The following LDLRAD3 variants were observed in gnomAD, a reference collection of about 807,000 sequenced individuals.
The protein encoded by LDLRAD3 is low-density lipoprotein receptor class A domain-containing protein 3.
In LDLRAD3, 20 loss-of-function variants were observed where a neutral mutation model predicts 29.4. The ratio of observed to expected loss-of-function variants is 0.68; its 90% CI spans 0.48 to 0.99. The LOEUF (loss-of-function observed/expected upper bound fraction) is 0.99. Among genes scored for constraint, LDLRAD3 ranks in the 50% least tolerant of loss-of-function variants. LDLRAD3 has a pLI of 0.00. For synonymous variants in LDLRAD3, 157 were observed against 192.7 expected, an observed-to-expected ratio of 0.81 and a Z score of 1.53; for missense variants, 420 against 454.3, an observed-to-expected ratio of 0.92 and a Z score of 0.69.
chr11:36,124,103 G>A (rs1003473207), intron 4 of LDLRAD3, among the ~76,000 whole-genome samples: 16 of 152,324 alleles, frequency 1.1e-4, no homozygotes, highest in African/African-American at 3.6e-4. Context: ...GCAACTGATG[G>A]CAACAGCTGG....
intron 1 of LDLRAD3, among the ~76,000 whole-genome samples, chr11:35,984,934 C>CTT (rs1285306835): frequency 5.5e-4 from 70 of 127,974 alleles, no homozygotes; most frequent in African/African-American, 1.6e-3. Flanking sequence ...CCTGCCTGTT[C>CTT]TTTTTTTTTT....
At chr11:36,052,071 AC>A (rs1565187363) in intron 2 of LDLRAD3, among the ~76,000 whole-genome samples, 2 of 152,200 alleles carry the variant, frequency 1.3e-5, no homozygotes, top group African/African-American at 4.8e-5. Flanking sequence ...CTGTCATAGG[AC>A]TAGACTGAGT....
At chr11:36,100,031 C>T (rs769420996) in intron 4 of LDLRAD3, among the ~76,000 whole-genome samples, 6 of 152,094 alleles carry the variant, frequency 3.9e-5, no homozygotes, top group South Asian at 2.1e-4. Context: ...GTTGTTCAGG[C>T]GCCATTCTAG....
chr11:36,098,998 T>TC (rs1565221432), intron 4 of LDLRAD3, among the ~76,000 whole-genome samples: 8 of 138,294 alleles, frequency 5.8e-5, no homozygotes, highest in African/African-American at 9.9e-5. Flanking sequence ...TATTTTTTTT[T>TC]TCCCATTTTT....
intron 2 of LDLRAD3, among the ~76,000 whole-genome samples, chr11:36,077,560 G>A (rs1853034948): frequency 6.6e-6 from 1 of 152,226 alleles, no homozygotes. Context: ...TGCACAGCCA[G>A]GTATGCCAGC....
At chr11:36,146,011 G>GAAAAAAAAAAAAAAAA (rs59776162) in intron 4 of LDLRAD3, among the ~76,000 whole-genome samples, 1 of 145,142 alleles carries the variant, frequency 6.9e-6, no homozygotes, top group Non-Finnish European at 1.5e-5. Flanking sequence ...ATAAAAAAAA[G>GAAAAAAAAAAAAAAAA]AAAAAAAAAA....
intron 1 of LDLRAD3, among the ~76,000 whole-genome samples, chr11:36,028,705 G>C (rs1590214497): frequency 6.6e-6 from 1 of 152,020 alleles, no homozygotes; most frequent in East Asian, 1.9e-4. Context: ...ACAGAAAATT[G>C]TTCCCAATGA....
At chr11:35,951,164 A>G (rs1005473982) in intron 1 of LDLRAD3, among the ~76,000 whole-genome samples, 1 of 152,192 alleles carries the variant, frequency 6.6e-6, no homozygotes, top group African/African-American at 2.4e-5. Context: ...AGTAATGGCA[A>G]TAATAAAACA....
intron 2 of LDLRAD3, among the ~76,000 whole-genome samples, chr11:36,053,903 G>C (rs889655204): frequency 5.3e-5 from 8 of 151,120 alleles, no homozygotes; most frequent in Non-Finnish European, 1.2e-4. Context: ...AGTTAGCTAT[G>C]CCCACAGACA....
At chr11:36,128,117 C>CATATATATATATATACAT (rs1853865693) in intron 4 of LDLRAD3, among the ~76,000 whole-genome samples, 1 of 98,954 alleles carries the variant, frequency 1.0e-5, no homozygotes, top group Non-Finnish European at 2.3e-5. Flanking sequence ...GTTGTTTTTA[C>CATATATATATATATACAT]ATATATATAT....
At chr11:36,058,909 G>T (rs997881823) in intron 2 of LDLRAD3, among the ~76,000 whole-genome samples, 2 of 152,170 alleles carry the variant, frequency 1.3e-5, no homozygotes, top group African/African-American at 4.8e-5. Flanking sequence ...TGATTTAGAG[G>T]ATACTGAGTT....
At chr11:36,070,344 A>G (rs1041622550) in intron 2 of LDLRAD3, among the ~76,000 whole-genome samples, 1 of 152,250 alleles carries the variant, frequency 6.6e-6, no homozygotes, top group African/African-American at 2.4e-5. Flanking sequence ...AACCGTTTGT[A>G]TATGAGCCCA....
intron 1 of LDLRAD3, among the ~76,000 whole-genome samples, chr11:35,965,708 T>C (rs1055306680): frequency 1.1e-4 from 16 of 152,156 alleles, no homozygotes; most frequent in African/African-American, 3.9e-4. Flanking sequence ...AGGAGAGAGG[T>C]CTGTCTCATT....
intron 4 of LDLRAD3, among the ~76,000 whole-genome samples, chr11:36,184,427 T>C (rs1242661108): frequency 6.6e-6 from 1 of 152,262 alleles, no homozygotes; most frequent in Non-Finnish European, 1.5e-5. Context: ...CTATTTCTGA[T>C]ATCTGCTGTT....
chr11:36,005,247 T>C (rs1219957098), intron 1 of LDLRAD3, among the ~76,000 whole-genome samples: 1 of 152,252 alleles, frequency 6.6e-6, no homozygotes. Flanking sequence ...TCTTTGTTCA[T>C]GCATATGAGC....
At chr11:36,101,554 A>C (rs758233791) in intron 4 of LDLRAD3, among the ~76,000 whole-genome samples, 14 of 152,200 alleles carry the variant, frequency 9.2e-5, no homozygotes, top group Non-Finnish European at 1.6e-4. Context: ...CTCAGTGGGA[A>C]TCTGCCCTGC....
intron 4 of LDLRAD3, among the ~76,000 whole-genome samples, chr11:36,117,742 T>C (rs974836630): frequency 6.6e-6 from 1 of 152,176 alleles, no homozygotes; most frequent in Non-Finnish European, 1.5e-5. Flanking sequence ...TCAGGAGCAG[T>C]GTCAGTGATG....
chr11:36,018,801 G>A (rs1048216408), intron 1 of LDLRAD3, among the ~76,000 whole-genome samples: 1 of 152,184 alleles, frequency 6.6e-6, no homozygotes, highest in Non-Finnish European at 1.5e-5. Context: ...CTAAACAATG[G>A]CATTTCACGT....
intron 4 of LDLRAD3, among the ~76,000 whole-genome samples, chr11:36,167,519 A>G (rs1017122754): frequency 3.9e-5 from 6 of 152,172 alleles, no homozygotes; most frequent in Non-Finnish European, 8.8e-5. Flanking sequence ...TCACAGGACC[A>G]CGTGAAGACA....
Sources: allele counts gnomAD v4.1 joint callset (sites outside exome capture counted in the v4.1 genomes callset), GRCh38; gene constraint gnomAD v4.1.1; transcripts MANE v1.5; gene names NCBI Gene and HGNC (gene_info 2026-07-23, HGNC 2026-07-21).